The following LRRC71 variants were observed in gnomAD, a reference collection of about 807,000 sequenced individuals.
LRRC71 encodes leucine-rich repeat-containing protein 71.
A neutral mutation model predicts 66.6 loss-of-function variants in LRRC71; 54 were observed. The ratio of observed to expected loss-of-function variants is 0.81; its 90% CI spans 0.65 to 1.02. The LOEUF is 1.02. Among genes scored for constraint, LRRC71 ranks in the 50% least tolerant of loss-of-function variants. The pLI is 0.00. For missense variants in LRRC71, 724 were observed against 718.0 expected, an observed-to-expected ratio of 1.01 and a Z score of -0.10; for synonymous variants, 323 against 303.9, an observed-to-expected ratio of 1.06 and a Z score of -0.65.
downstream of LRRC71, chr1:156,935,413 G>C (rs912626297): frequency 2.0e-5 from 3 of 152,230 alleles, no homozygotes; most frequent in Non-Finnish European, 4.4e-5. Context: ...TAACTAAGGA[G>C]ATACAAGTGA....
chr1:156,940,712 A>G, the LRRC71 span, among the ~76,000 whole-genome samples: 1 of 152,212 alleles, frequency 6.6e-6, no homozygotes, highest in Non-Finnish European at 1.5e-5. Flanking sequence ...TTCCACCGGA[A>G]AGAAGAAAAC....
At chr1:156,930,725 T>C (rs1654243748) in intron 12 of LRRC71, 108 bp downstream of exon 12, 1 of 1,026,386 alleles carries the variant, frequency 9.7e-7, no homozygotes, top group East Asian at 2.6e-5. Flanking sequence ...AGCCCCATGC[T>C]GTGGCAGCAG....
rs770556035 is a variant in LRRC71, at chr1:156,929,265, C to T, written c.997-15C>T. Reference sequence around the variant, plus strand: ...TCTGGCTTCTTCCCCCCTTCCCTCCCATTTGTGAGCACAGCCCTCCTCCTC... The same window carrying T: ...TCTGGCTTCTTCCCCCCTTCCCTCCTATTTGTGAGCACAGCCCTCCTCCTC... On this transcript the variant is annotated splice_polypyrimidine_tract_variant and intron_variant, in intron 9 of 14. Coordinates refer to ENST00000337428, the MANE Select transcript of LRRC71 (RefSeq NM_144702.3). 6.3e-7 allele frequency: 1 copy of T among 1,590,380 alleles called. No homozygotes were observed. The highest frequency in any genetic ancestry group is 1.1e-5 in the South Asian group (1 of 87,414).
chr1:156,924,321 C>T, intron 2 of LRRC71, 103 bp from the exon 3 acceptor site: 2 of 1,452,526 alleles, frequency 1.4e-6, no homozygotes, highest in South Asian at 1.4e-5. Flanking sequence ...CCGGCGCCTC[C>T]CCTCTGGCGG....
rs1054092552 is a variant in LRRC71, at chr1:156,923,963, T to A, written c.175T>A (p.Ser59Thr). The A allele has an allele frequency of 1.9e-5, 29 of 1,524,486 alleles. No homozygotes were observed. The African/African-American group carries it at 3.9e-4, about 20-fold the overall frequency. The allele number at this position is 1,524,486 out of a possible 1,614,324, so 94.4% of individuals were successfully genotyped here. A position where few individuals can be genotyped will look rare whatever the true frequency, so the allele number is the denominator to read the frequency against. Residue 59 changes from serine to threonine, a missense_variant, in exon 2 of 15, where the codon TCC becomes ACC. Ser to Thr is a moderately conservative substitution (Grantham distance 58, BLOSUM62 1). Coordinates refer to ENST00000337428, the MANE Select transcript of LRRC71 (RefSeq NM_144702.3). ...TGCCCCCGCAGAGGAGTACCAGTGC[T>A]CCGGGGTCCTCGAGACCGACTTCGC... ...EPKSPEEYQC[S>T]GVLETDFAEL...
downstream of LRRC71, chr1:156,936,047 G>A (rs1287121405): frequency 1.9e-6 from 3 of 1,613,926 alleles, no homozygotes; most frequent in Admixed American, 1.7e-5. Context: ...TCTTCCAGGG[G>A]GGCGTCAGAG....
At chr1:156,940,478 G>C in the LRRC71 span, 1 of 1,523,968 alleles carries the variant, frequency 6.6e-7, no homozygotes, top group Non-Finnish European at 8.9e-7. Context: ...GGGCACGTAT[G>C]GGAGAGCCTA....
downstream of LRRC71, chr1:156,936,860 G>C: frequency 1.2e-6 from 2 of 1,614,102 alleles, no homozygotes; most frequent in Middle Eastern, 1.7e-4. Context: ...CCTGGAGTCA[G>C]AAGCTAGGGG....
At position 156,927,912 on chromosome 1, in the gene LRRC71, C is replaced by T. The variant is rs762309450; in HGVS notation, c.907-3C>T. The T allele has an allele frequency of 1.2e-5, 20 of 1,611,368 alleles. No individual in the cohort carries two copies. Among genetic ancestry groups the T allele is most frequent in the Admixed American group, 1.7e-5 (1 of 59,704 alleles). On this transcript the variant is annotated splice_region_variant and splice_polypyrimidine_tract_variant and intron_variant, in intron 8 of 14. Transcript: ENST00000337428. Reference sequence around the variant, plus strand: ...CCGACCGCTGAGCGCCCGCCTCCTTCAGGTCCTGCGCGCCTTCGAGCTGAC... The same window carrying T: ...CCGACCGCTGAGCGCCCGCCTCCTTTAGGTCCTGCGCGCCTTCGAGCTGAC...
At chr1:156,924,887 G>T (rs1652957901) in intron 4 of LRRC71, 51 bp from the exon 5 acceptor site, 2 of 1,545,764 alleles carry the variant, frequency 1.3e-6, no homozygotes, top group Admixed American at 2.0e-5. Context: ...GGGTTTTCCA[G>T]TAGGAGGGGG....
At chr1:156,931,350 G>A (rs116538213) in intron 12 of LRRC71, among the ~76,000 whole-genome samples, 31 of 152,324 alleles carry the variant, frequency 2.0e-4, no homozygotes, top group Non-Finnish European at 3.4e-4. Flanking sequence ...AAAAGAGGAC[G>A]TTCAGAGGGA....
At chr1:156,935,794 G>A, downstream of LRRC71, 1 of 590,278 alleles carries the variant, frequency 1.7e-6, no homozygotes, top group South Asian at 2.2e-5. Flanking sequence ...GTTGGGCTAA[G>A]GGAGGGAAAA....
In LRRC71 at chr1:156,925,103, T is replaced by C. The variant is rs898075950; in HGVS notation, c.593+88T>C. The C allele has an allele frequency of 2.4e-6, 3 of 1,263,186 alleles. No individual in the cohort carries two copies. In the African/African-American group the frequency reaches 4.5e-5, roughly 19 times the overall value. The allele number at this position is 1,263,186 out of a possible 1,614,324, so 78.2% of individuals were successfully genotyped here. On this transcript the variant is annotated intron_variant, in intron 5 of 14. Coordinates refer to ENST00000337428, the MANE Select transcript of LRRC71 (RefSeq NM_144702.3). ...GCAGTGTGGGGATGGAAGTGGCAGG[T>C]CCCAGCTCCTGTGGGCCTGCCTGGC... is the stretch of plus-strand genomic sequence containing the variant.
rs1213854936 is a variant in LRRC71, at chr1:156,927,598, C to T, written c.765C>T (p.Val255=). ...TGCACAGCTGCAACCGGACCCTCGT[C>T]TCGCTCAACCTGGGTTTCAACCACA... The part of the protein sequence containing the change: ...STLHSCNRTL[V]SLNLGFNHIG... The change falls in exon 7 of 15, where the codon GTC becomes GTT. Residue 255 remains valine, a synonymous_variant. Coordinates refer to ENST00000337428, the MANE Select transcript of LRRC71 (RefSeq NM_144702.3). The T allele has an allele frequency of 2.5e-5, 40 of 1,599,846 alleles. No individual in the cohort carries two copies. The highest frequency in any genetic ancestry group is 3.3e-5 in the Non-Finnish European group (39 of 1,173,076).
chr1:156,932,743 GC>G, intron 14 of LRRC71, 109 bp from the exon 15 acceptor site: 1 of 1,488,218 alleles, frequency 6.7e-7, no homozygotes, highest in South Asian at 1.2e-5. Flanking sequence ...TGCTTTTTCT[GC>G]ATGTCCCCCA....
intron 1 of LRRC71, among the ~76,000 whole-genome samples, chr1:156,921,330 T>C (rs1652329978): frequency 6.6e-6 from 1 of 152,166 alleles, no homozygotes; most frequent in Admixed American, 6.5e-5. Flanking sequence ...GAGAACGAGG[T>C]GGACACAGTC....
Position 156,930,598 on chromosome 1 carries a change from G to A in LRRC71, c.1310G>A (p.Ser437Asn), listed in dbSNP as rs1478886430. The A allele has an allele frequency of 6.4e-7, 1 of 1,565,116 alleles. No homozygotes were observed. Among genetic ancestry groups the A allele is most frequent in the South Asian group, 1.2e-5 (1 of 84,684 alleles). The change falls in exon 12 of 15, where the codon AGC becomes AAC. Residue 437 changes from serine (S) to asparagine (N), a missense_variant. Physicochemically the swap from Ser to Asn is conservative, Grantham distance 46. Transcript: ENST00000337428. ...GIKIGSREKR[S>N]ILLESELVVE... ...AAGATCGGGAGCAGAGAGAAGCGCA[G>A]CATCCTCCTGGAGTCCGAGGTAAGT...
At position 156,932,921 on chromosome 1, in the gene LRRC71, C is replaced by T. The variant is rs1402040251; in HGVS notation, c.1632C>T (p.Pro544=). The change falls in exon 15 of 15, where the codon CCC becomes CCT. Residue 544 remains proline, a synonymous_variant. Coordinates refer to ENST00000337428, the MANE Select transcript of LRRC71 (RefSeq NM_144702.3). The stretch of plus-strand genomic sequence containing the variant: ...AGGAGCTGATGTTGCCAAGGGATCC[C>T]ATCAAGGCCAAACTCAGGGAGGATG... ...IIQELMLPRD[P]IKAKLREDEA... is the part of the protein sequence containing the mutation. The T allele has an allele frequency of 6.2e-7, 1 of 1,601,832 alleles. No homozygotes were observed. The highest frequency in any genetic ancestry group is 8.5e-7 in the Non-Finnish European group (1 of 1,174,100).
At chr1:156,932,713 A>G (rs888918606) in intron 14 of LRRC71, 140 bp from the exon 15 acceptor site, 20 of 1,540,504 alleles carry the variant, frequency 1.3e-5, no homozygotes, top group Non-Finnish European at 1.7e-5. Context: ...TTGCTGGAAA[A>G]TCAGCAGTAT....
Sources: gnomAD v4.1 joint callset for allele counts (sites outside exome capture counted in the v4.1 genomes callset) on GRCh38, gnomAD v4.1.1 for gene constraint, MANE v1.5 for transcripts, NCBI Gene and HGNC (gene_info 2026-07-23, HGNC 2026-07-21) for gene names.